The following LUC7L3 variants were observed in gnomAD, a reference collection of about 807,000 sequenced individuals.
LUC7L3 encodes the protein luc7-like protein 3.
Under a neutral mutation model 66.8 loss-of-function variants are expected in LUC7L3, and 6 were observed. The ratio of observed to expected loss-of-function variants is 0.09; its 90% CI spans 0.05 to 0.18. The LOEUF (loss-of-function observed/expected upper bound fraction) is 0.18, where lower values mean the gene tolerates loss of function less well. LUC7L3 is among the 10% of genes least tolerant of loss of function. The pLI, the probability that LUC7L3 is intolerant of heterozygous loss-of-function variation, is 1.00. For synonymous variants in LUC7L3, 160 were observed against 174.7 expected (o/e 0.92, Z 0.66); for missense variants, 341 against 531.1 (o/e 0.64, Z 3.52).
In LUC7L3 at chr17:50,741,820, C is replaced by T; in HGVS notation, c.426+89C>T. ...CAAGGATGGGCCAGGCATGGTAACT[C>T]ATGTGTATAATCCCAGCACTTTGGG... On this transcript the variant is annotated intron_variant, in intron 5 of 9. Coordinates refer to ENST00000505658, the MANE Select transcript of LUC7L3 (RefSeq NM_016424.5). 3.0e-6 allele frequency: 3 copies of T among 1,004,806 alleles called. No individual in the cohort carries two copies. In the South Asian group the frequency reaches 4.1e-5, roughly 14 times the overall value. The allele number at this position is 1,004,806 out of a possible 1,614,324, so 62.2% of individuals were successfully genotyped here. A position where few individuals can be genotyped will look rare whatever the true frequency, so the allele number is the denominator to read the frequency against.
At chr17:50,738,401 CA>C (rs1285338906) in intron 2 of LUC7L3, among the ~76,000 whole-genome samples, 1 of 152,046 alleles carries the variant, frequency 6.6e-6, no homozygotes, top group Non-Finnish European at 1.5e-5. Flanking sequence ...AAGAGATTAA[CA>C]AAACCAACAG....
chr17:50,740,192 CAG>C lies in LUC7L3; in HGVS notation c.167-113_167-112del, dbSNP rs1283884306. On this transcript the variant is annotated intron_variant, in intron 2 of 9. Coordinates refer to ENST00000505658, the MANE Select transcript of LUC7L3 (RefSeq NM_016424.5). ...TCAGTTTAGATGTCTACAAACTACT[CAG>C]TGATAAAGTGAATCCTTTTTCTTTT... The C allele has an allele frequency of 1.5e-5, 11 of 745,072 alleles. No homozygotes were observed. The African/African-American group carries it at 1.8e-4, about 12-fold the overall frequency. 46.2% of individuals were successfully genotyped at this position (745,072 alleles called of 1,614,324 possible).
intron 1 of LUC7L3, among the ~76,000 whole-genome samples, chr17:50,728,273 T>G (rs1014383596): frequency 1.3e-5 from 2 of 152,166 alleles, no homozygotes; most frequent in Non-Finnish European, 2.9e-5. Flanking sequence ...GTGTAGGCAA[T>G]AAATAGTGAA....
At chr17:50,721,774 T>TG (rs1968784538) in intron 1 of LUC7L3, among the ~76,000 whole-genome samples, 1 of 152,260 alleles carries the variant, frequency 6.6e-6, no homozygotes, top group Non-Finnish European at 1.5e-5. Context: ...AAACCCATTA[T>TG]ATGCTGAAAA....
intron 2 of LUC7L3, among the ~76,000 whole-genome samples, chr17:50,738,922 C>G (rs1487802214): frequency 1.3e-5 from 2 of 152,008 alleles, no homozygotes; most frequent in African/African-American, 4.8e-5. Flanking sequence ...GTGTAGGTCA[C>G]AGAATTATGA....
At chr17:50,724,004 G>A (rs1461070787) in intron 1 of LUC7L3, 1 of 454,286 alleles carries the variant, frequency 2.2e-6, no homozygotes, top group African/African-American at 2.0e-5. Flanking sequence ...CAGTCCATGT[G>A]TTATATGTGT....
chr17:50,750,945 G>A lies in LUC7L3; in HGVS notation c.*284G>A, dbSNP rs747779150. ...TATCGCCCACATTTGTAATATAGTC[G>A]CCATTGAAAAGTTAATTATCCTTTT... On this transcript the variant is annotated 3_prime_UTR_variant, in exon 10 of 10. Coordinates refer to ENST00000505658, the MANE Select transcript of LUC7L3 (RefSeq NM_016424.5). 1.1e-5 allele frequency: 16 copies of A among 1,504,794 alleles called. No homozygotes were observed. Among genetic ancestry groups the A allele is most frequent in the South Asian group, 2.5e-5 (2 of 78,488 alleles). The allele number at this position is 1,504,794 out of a possible 1,614,324, so 93.2% of individuals were successfully genotyped here.
chr17:50,739,395 T>TA (rs1309733041), intron 2 of LUC7L3, among the ~76,000 whole-genome samples: 3 of 152,172 alleles, frequency 2.0e-5, no homozygotes, highest in Non-Finnish European at 4.4e-5. Context: ...CTCACACCTG[T>TA]AATCCCAGCA....
At position 50,755,361 on chromosome 17, in the gene LUC7L3, G is replaced by T. The variant is rs950963199; in HGVS notation, c.*4700G>T. ...GTATAGATCTTTCAAAATATATGAC[G>T]GTATACCCGTATGTTCTGAGTCTTG... On this transcript the variant is annotated 3_prime_UTR_variant, in exon 10 of 10. Transcript: ENST00000505658. The T allele has an allele frequency of 1.3e-5, 2 of 152,022 alleles. No homozygotes were observed. The highest frequency in any genetic ancestry group is 4.8e-5 in the African/African-American group (2 of 41,380). 9.4% of individuals were successfully genotyped at this position (152,022 alleles called of 1,614,324 possible). A position where few individuals can be genotyped will look rare whatever the true frequency, so the allele number is the denominator to read the frequency against.
At chr17:50,745,436 A>G (rs989472530) in intron 7 of LUC7L3, among the ~76,000 whole-genome samples, 4 of 152,202 alleles carry the variant, frequency 2.6e-5, no homozygotes, top group African/African-American at 9.7e-5. Flanking sequence ...TCCTATGTGT[A>G]ATTATTTTTG....
rs930691189 is a variant in LUC7L3, at chr17:50,753,651, A to C, written c.*2990A>C. 2.6e-5 allele frequency: 4 copies of C among 152,202 alleles called. No individual in the cohort carries two copies. Among genetic ancestry groups the C allele is most frequent in the African/African-American group, 7.2e-5 (3 of 41,452 alleles). The allele number at this position is 152,202 out of a possible 1,614,324, so 9.4% of individuals were successfully genotyped here. On this transcript the variant is annotated 3_prime_UTR_variant, in exon 10 of 10. Transcript: ENST00000505658. ...GGGAAGTAAAATCTAACAAACACAA[A>C]GATAGCTCCCAGGCACTGCTTTGTG...
At chr17:50,740,423 C>G in intron 3 of LUC7L3, 78 bp downstream of exon 3, 1 of 1,327,008 alleles carries the variant, frequency 7.5e-7, no homozygotes, top group Admixed American at 2.1e-5. Flanking sequence ...GGAATAATTG[C>G]AATTAAATGT....
At position 50,751,892 on chromosome 17, in the gene LUC7L3, T is replaced by C. The variant is rs1970989388; in HGVS notation, c.*1231T>C. On this transcript the variant is annotated 3_prime_UTR_variant, in exon 10 of 10. Coordinates refer to ENST00000505658, the MANE Select transcript of LUC7L3 (RefSeq NM_016424.5). ...TTCTTAAAACCTGTAAACTTCATTC[T>C]GTGGGCTAGTGGTGTGGGACAAAAT... is the stretch of plus-strand genomic sequence containing the variant. The C allele has an allele frequency of 5.9e-6, 6 of 1,017,580 alleles. No homozygotes were observed. Among genetic ancestry groups the C allele is most frequent in the Non-Finnish European group, 7.1e-6 (6 of 849,192 alleles). The allele number at this position is 1,017,580 out of a possible 1,614,324, so 63.0% of individuals were successfully genotyped here.
intron 1 of LUC7L3, among the ~76,000 whole-genome samples, chr17:50,733,398 GTTTTTT>G: frequency 1.0e-5 from 1 of 98,316 alleles, no homozygotes; most frequent in South Asian, 3.6e-4. Context: ...CGCCTGGCTA[GTTTTTT>G]TTTTTTTTTT....
chr17:50,736,916 T>G (rs1271617265), intron 1 of LUC7L3, 44 bp from the exon 2 acceptor site: 1 of 1,329,268 alleles, frequency 7.5e-7, no homozygotes, highest in Non-Finnish European at 1.1e-6. Context: ...AATAAAGTTT[T>G]AAAACCAAGC....
rs1005162538 is a variant in LUC7L3, at chr17:50,755,566, G to C, written c.*4905G>C. 1 of 152,186 alleles carries C rather than the reference G, an allele frequency of 6.6e-6. No homozygotes were observed. The highest frequency in any genetic ancestry group is 6.5e-5 in the Admixed American group (1 of 15,274). 9.4% of individuals were successfully genotyped at this position (152,186 alleles called of 1,614,324 possible). ...ATTTTAAAAATTCAAGAGTTTTGTA[G>C]CTGATCTATTTCTTCCCCTCAGCCA... On this transcript the variant is annotated 3_prime_UTR_variant, in exon 10 of 10. Coordinates refer to ENST00000505658, the MANE Select transcript of LUC7L3 (RefSeq NM_016424.5).
chr17:50,738,574 A>G (rs151016439), intron 2 of LUC7L3, among the ~76,000 whole-genome samples: 1 of 152,354 alleles, frequency 6.6e-6, no homozygotes, highest in East Asian at 1.9e-4. Context: ...AAAGTGAAAA[A>G]CATTTTCTGA....
intron 5 of LUC7L3, 126 bp from the exon 6 acceptor site, chr17:50,743,580 A>G (rs1970485318): frequency 1.6e-6 from 1 of 628,616 alleles, no homozygotes; most frequent in Non-Finnish European, 2.8e-6. Context: ...ATTAAACCCA[A>G]AGAGGCTTTT....
Position 50,743,983 on chromosome 17 carries a change from C to T in LUC7L3, c.531+173C>T, listed in dbSNP as rs1970510103. On this transcript the variant is annotated intron_variant, in intron 6 of 9. Transcript: ENST00000505658. The stretch of plus-strand genomic sequence containing the variant: ...CTGCCTTTGTGCAGTATGCAAGCAA[C>T]TTTATATAGTACAAGAAACAAATGG... Among the ~76,000 whole-genome samples the T allele has an allele frequency of 2.6e-5, 4 of 152,336 alleles. No individual in the cohort carries two copies. In the South Asian group the frequency reaches 6.2e-4, roughly 24 times the overall value.
Sources: allele counts gnomAD v4.1 joint callset (sites outside exome capture counted in the v4.1 genomes callset), GRCh38; gene constraint gnomAD v4.1.1; transcripts MANE v1.5; gene names NCBI Gene and HGNC (gene_info 2026-07-23, HGNC 2026-07-21).